The following CSMD1 variants were observed in gnomAD, a reference collection of about 807,000 sequenced individuals.
The protein encoded by CSMD1 is CUB and sushi domain-containing protein 1.
CSMD1 carries 213 observed loss-of-function variants against 417.5 expected under a neutral mutation model. The observed-to-expected ratio is 0.51, with a 90% CI of 0.46 to 0.57. The LOEUF is 0.57. Among genes scored for constraint, CSMD1 ranks in the 20% least tolerant of loss-of-function variants. CSMD1 has a pLI of 0.00. For synonymous variants in CSMD1, 2,862 were observed against 1,736.8 expected (o/e 1.65, Z -16.11); for missense variants, 6,923 against 4,529.7 (o/e 1.53, Z -15.17).
intron 49 of CSMD1, among the ~76,000 whole-genome samples, chr8:3,085,438 G>A (rs542867098): frequency 2.6e-5 from 4 of 152,292 alleles, no homozygotes; most frequent in Non-Finnish European, 5.9e-5. Context: ...TAAATCTGAA[G>A]GAAGGTAGTC....
chr8:4,527,711 G>A (rs181722326), intron 2 of CSMD1, among the ~76,000 whole-genome samples: 145 of 152,180 alleles, frequency 9.5e-4, no homozygotes, highest in Middle Eastern at 3.4e-3. Context: ...TCTATTAATA[G>A]GTACACTGAT....
At chr8:3,274,673 C>CATT (rs1384265833) in intron 26 of CSMD1, among the ~76,000 whole-genome samples, 1 of 152,028 alleles carries the variant, frequency 6.6e-6, no homozygotes, top group Non-Finnish European at 1.5e-5. Context: ...ATCCCTTTAC[C>CATT]ATTATGTAAT....
At chr8:3,065,958 A>G (rs1812912329) in intron 49 of CSMD1, among the ~76,000 whole-genome samples, 1 of 152,178 alleles carries the variant, frequency 6.6e-6, no homozygotes, top group Non-Finnish European at 1.5e-5. Flanking sequence ...TCTTTCTCCG[A>G]GCACTAAATA....
intron 4 of CSMD1, among the ~76,000 whole-genome samples, chr8:4,003,351 C>T (rs958034382): frequency 1.3e-5 from 2 of 151,944 alleles, no homozygotes; most frequent in Admixed American, 1.3e-4. Context: ...AGAGATTGCC[C>T]TACTGCACTC....
chr8:4,779,759 C>T (rs564417016), intron 1 of CSMD1, among the ~76,000 whole-genome samples: 41 of 152,188 alleles, frequency 2.7e-4, no homozygotes, highest in Non-Finnish European at 5.1e-4. Flanking sequence ...CTGCTAATTG[C>T]GGTTTGCTGA....
At chr8:4,724,443 A>T (rs1032979324) in intron 1 of CSMD1, among the ~76,000 whole-genome samples, 1 of 152,038 alleles carries the variant, frequency 6.6e-6, no homozygotes. Context: ...ACAGATTCAA[A>T]TATAATATTT....
At chr8:4,884,383 G>C (rs1283726064) in intron 1 of CSMD1, among the ~76,000 whole-genome samples, 1 of 151,906 alleles carries the variant, frequency 6.6e-6, no homozygotes, top group Admixed American at 6.6e-5. Context: ...TTTTGATGAA[G>C]TCCAATATCT....
chr8:3,753,044 C>G (rs909122168), intron 6 of CSMD1, among the ~76,000 whole-genome samples: 3 of 152,190 alleles, frequency 2.0e-5, no homozygotes, highest in Admixed American at 1.3e-4. Flanking sequence ...TCTCCGTGAC[C>G]TGCTAGTTCC....
intron 8 of CSMD1, among the ~76,000 whole-genome samples, chr8:3,604,518 C>T (rs976807298): frequency 6.6e-5 from 10 of 152,022 alleles, no homozygotes; most frequent in African/African-American, 2.2e-4. Context: ...AGAGCCAATA[C>T]CACATAGGAT....
intron 10 of CSMD1, among the ~76,000 whole-genome samples, chr8:3,500,478 T>A (rs1281104155): frequency 6.6e-6 from 1 of 152,122 alleles, no homozygotes; most frequent in African/African-American, 2.4e-5. Flanking sequence ...ACTAAGACTC[T>A]GTCAGAGTAT....
intron 5 of CSMD1, among the ~76,000 whole-genome samples, chr8:3,952,665 A>C (rs1348235697): frequency 6.6e-6 from 1 of 152,210 alleles, no homozygotes; most frequent in Non-Finnish European, 1.5e-5. Context: ...CAGATTCTGA[A>C]ATCAAAGAGA....
chr8:4,126,105 ACTTT>A (rs1234678788), intron 3 of CSMD1, among the ~76,000 whole-genome samples: 4 of 151,916 alleles, frequency 2.6e-5, no homozygotes, highest in Non-Finnish European at 4.4e-5. Context: ...AGAAAAACTC[ACTTT>A]GACCCCCTGT....
chr8:4,921,860 A>T (rs4379467), intron 1 of CSMD1, among the ~76,000 whole-genome samples: 118,620 of 152,142 alleles, frequency 0.78, 49,833 homozygotes, highest in East Asian at 0.96. Flanking sequence ...TCTGAGAGAA[A>T]ACCCAAGAGT....
chr8:4,948,764 T>C (rs532923352), intron 1 of CSMD1, among the ~76,000 whole-genome samples: 1 of 152,268 alleles, frequency 6.6e-6, no homozygotes, highest in Admixed American at 6.5e-5. Flanking sequence ...GTTTCTTTCT[T>C]TATAACCCTG....
chr8:4,333,153 G>T (rs901648746), intron 3 of CSMD1, among the ~76,000 whole-genome samples: 2 of 152,154 alleles, frequency 1.3e-5, no homozygotes. Context: ...TTGAACATAA[G>T]AATTCCTCAA....
At chr8:4,602,575 T>C (rs1800649194) in intron 2 of CSMD1, among the ~76,000 whole-genome samples, 1 of 152,218 alleles carries the variant, frequency 6.6e-6, no homozygotes, top group Non-Finnish European at 1.5e-5. Context: ...TAAAACTCTT[T>C]AACGTGCCTA....
chr8:4,724,811 T>C lies in CSMD1; in HGVS notation c.86-87253A>G, dbSNP rs989597172. Among the ~76,000 whole-genome samples the C allele has an allele frequency of 8.2e-4, 125 of 152,234 alleles. 1 individual carries two copies. Among genetic ancestry groups the C allele is most frequent in the African/African-American group, 3.0e-3 (124 of 41,554 alleles). ...CCTTGTAGTATGAATCAAGTTGATA[T>C]ATTCAAGTTGAATATAGCCTGTATG... is the stretch of plus-strand genomic sequence containing the variant. On this transcript the variant is annotated intron_variant, in intron 1 of 69. Coordinates refer to ENST00000635120, the MANE Select transcript of CSMD1 (RefSeq NM_033225.6).
chr8:3,329,546 C>T (rs1474281809), intron 23 of CSMD1, among the ~76,000 whole-genome samples: 1 of 152,192 alleles, frequency 6.6e-6, no homozygotes, highest in East Asian at 1.9e-4. Context: ...CAGTTCCCTT[C>T]CCAAGGCCTA....
chr8:4,610,462 G>C (rs1015291911), intron 2 of CSMD1, among the ~76,000 whole-genome samples: 2 of 152,088 alleles, frequency 1.3e-5, no homozygotes, highest in Non-Finnish European at 2.9e-5. Context: ...CTTCTTCAGG[G>C]ACAGGCTCCA....
Sources: gnomAD v4.1 joint callset for allele counts (sites outside exome capture counted in the v4.1 genomes callset) on GRCh38, gnomAD v4.1.1 for gene constraint, MANE v1.5 for transcripts, NCBI Gene and HGNC (gene_info 2026-07-23, HGNC 2026-07-21) for gene names.